Variants in SLC6A11 observed in about 807,000 individuals in gnomAD.
SLC6A11 encodes sodium- and chloride-dependent GABA transporter 3.
Under a neutral mutation model 74.8 loss-of-function variants are expected in SLC6A11, and 25 were observed. That is an observed-to-expected ratio of 0.33 (90% CI 0.24 to 0.47). The LOEUF (loss-of-function observed/expected upper bound fraction) is 0.47, where lower values mean the gene tolerates loss of function less well. Among genes scored for constraint, SLC6A11 ranks in the 20% least tolerant of loss-of-function variants. The probability of loss-of-function intolerance (pLI) is 1.00; values close to 1 mark genes in which losing one functional copy is unlikely to be tolerated. For missense variants in SLC6A11, 574 were observed against 837.0 expected (o/e 0.69, Z 3.88); for synonymous variants, 330 against 330.2 (o/e 1.00, Z 0.01).
chr3:10,827,957 C>T (rs2106574887), intron 4 of SLC6A11, among the ~76,000 whole-genome samples: 1 of 152,270 alleles, frequency 6.6e-6, no homozygotes, highest in South Asian at 2.1e-4. Context: ...TTATGGGGGT[C>T]CTACAGGGCC....
intron 7 of SLC6A11, among the ~76,000 whole-genome samples, chr3:10,913,851 G>A (rs1342559186): frequency 2.0e-5 from 3 of 152,064 alleles, no homozygotes; most frequent in Non-Finnish European, 2.9e-5. Flanking sequence ...CCGCCACCAC[G>A]CCCGGCTAAT....
At chr3:10,887,448 CT>C (rs1312888724) in intron 6 of SLC6A11, among the ~76,000 whole-genome samples, 2 of 151,928 alleles carry the variant, frequency 1.3e-5, no homozygotes, top group African/African-American at 2.4e-5. Flanking sequence ...ACAGTCTTTT[CT>C]TTTTTTTCTT....
Position 10,894,216 on chromosome 3 carries a change from C to T in SLC6A11, c.892-17874C>T, listed in dbSNP as rs555412111. Among the ~76,000 whole-genome samples the T allele has an allele frequency of 1.1e-4, 17 of 152,306 alleles. No homozygotes were observed. The South Asian group carries it at 3.1e-3, about 28-fold the overall frequency. On this transcript the variant is annotated intron_variant, in intron 6 of 13. Coordinates refer to ENST00000254488, the MANE Select transcript of SLC6A11 (RefSeq NM_014229.3). ...ATGTGAACCAGGATGCTCCGTTAGT[C>T]AGATTCCCAGGGAACTGGCGCCGTT...
At chr3:10,882,474 C>T (rs1457588955) in intron 6 of SLC6A11, among the ~76,000 whole-genome samples, 1 of 152,188 alleles carries the variant, frequency 6.6e-6, no homozygotes, top group Non-Finnish European at 1.5e-5. Context: ...CACCGTTCTC[C>T]ACCCACTAGG....
chr3:10,895,840 G>A (rs1695164863), intron 6 of SLC6A11, among the ~76,000 whole-genome samples: 1 of 152,126 alleles, frequency 6.6e-6, no homozygotes. Context: ...TTACTACCTA[G>A]GTGATGGGTT....
At chr3:10,934,873 G>A (rs374289414) in intron 12 of SLC6A11, among the ~76,000 whole-genome samples, 156 bp from the exon 13 acceptor site, 18 of 152,320 alleles carry the variant, frequency 1.2e-4, no homozygotes, top group East Asian at 1.2e-3. Flanking sequence ...CAAGCTCACT[G>A]TGGTCCTGGC....
chr3:10,880,578 C>T (rs1694963348), intron 6 of SLC6A11, among the ~76,000 whole-genome samples: 1 of 152,140 alleles, frequency 6.6e-6, no homozygotes, highest in Non-Finnish European at 1.5e-5. Context: ...TGCGGGGAGT[C>T]AGAGGGCTGA....
Position 10,816,239 on chromosome 3 carries a change from C to A in SLC6A11, c.-27C>A. 1 of 1,288,162 alleles carries A rather than the reference C, an allele frequency of 7.8e-7. No individual in the cohort carries two copies. The allele number at this position is 1,288,162 out of a possible 1,614,324, so 79.8% of individuals were successfully genotyped here. ...CCCGGGGCGGCGGCGCAGAGCCGGG[C>A]CGGCGCACGAGGCAGCCAGCGCGGC... On this transcript the variant is annotated 5_prime_UTR_variant, in exon 1 of 14. Coordinates refer to ENST00000254488, the MANE Select transcript of SLC6A11 (RefSeq NM_014229.3). This position sits in a 1 kb window ranked among gnomAD's most constrained non-coding sequence, Gnocchi z 4.2.
rs148904697 is a variant in SLC6A11 at position 10,858,070 on chromosome 3, G to A, written c.756+13724G>A. Among the ~76,000 whole-genome samples the A allele has an allele frequency of 6.4e-3, 977 of 152,280 alleles. 50 individuals are homozygous for A. In the South Asian group the frequency reaches 0.099, roughly 15 times the overall value. On this transcript the variant is annotated intron_variant, in intron 5 of 13. Transcript: ENST00000254488. ...TTTTAAATAAGAACTAGCCACATAT[G>A]TTATTATAGAATCACCACGAATGCA...
At chr3:10,854,475 C>T (rs532266466) in intron 5 of SLC6A11, among the ~76,000 whole-genome samples, 1 of 152,350 alleles carries the variant, frequency 6.6e-6, no homozygotes, top group South Asian at 2.1e-4. Flanking sequence ...TTATGTGTTG[C>T]CCTCTAATCC....
At chr3:10,837,271 G>A (rs1307426512) in intron 4 of SLC6A11, among the ~76,000 whole-genome samples, 2 of 152,212 alleles carry the variant, frequency 1.3e-5, no homozygotes, top group African/African-American at 4.8e-5. Context: ...GACTGATGGA[G>A]ACTGGTGTGT....
chr3:10,920,005 CAT>C (rs150023905), intron 8 of SLC6A11, among the ~76,000 whole-genome samples: 3,190 of 152,318 alleles, frequency 0.021, 127 homozygotes, highest in African/African-American at 0.073. Flanking sequence ...GCATCTTCCT[CAT>C]ATTCAACCAC....
intron 6 of SLC6A11, among the ~76,000 whole-genome samples, chr3:10,891,635 C>T (rs1695108492): frequency 6.6e-6 from 1 of 152,172 alleles, no homozygotes; most frequent in Admixed American, 6.5e-5. Flanking sequence ...GTAGGTCCAA[C>T]TTCTTCTTTT....
At chr3:10,844,007 C>T (rs1458170595) in intron 4 of SLC6A11, among the ~76,000 whole-genome samples, 1 of 152,194 alleles carries the variant, frequency 6.6e-6, no homozygotes, top group East Asian at 1.9e-4. Context: ...CTATCTTTTC[C>T]CCCAGAGAGT....
rs150106265 is a variant in SLC6A11, at chr3:10,919,421, G to A, written c.1120+968G>A. On this transcript the variant is annotated intron_variant, in intron 8 of 13. Transcript: ENST00000254488. ...AGGGCATCTGGCCTCCCTGGCCTCC[G>A]TCTACTCAAGGCCAGTCCTGCCCCA... Among the ~76,000 whole-genome samples, 131 of 152,248 alleles carry A rather than the reference G, an allele frequency of 8.6e-4. No individual in the cohort carries two copies. In the Middle Eastern group the frequency reaches 0.01, roughly 12 times the overall value.
chr3:10,829,364 T>G (rs1694261813), intron 4 of SLC6A11, among the ~76,000 whole-genome samples: 1 of 152,240 alleles, frequency 6.6e-6, no homozygotes, highest in Non-Finnish European at 1.5e-5. Flanking sequence ...AGAGTCATGG[T>G]TGGGCCCAAG....
At chr3:10,823,536 C>T (rs935648135) in intron 4 of SLC6A11, 144 bp downstream of exon 4, 14 of 633,038 alleles carry the variant, frequency 2.2e-5, no homozygotes, top group East Asian at 5.5e-5. Flanking sequence ...TCGACAGCTT[C>T]GGAAGCAAGA....
rs546204039 is a variant in SLC6A11, at chr3:10,926,549, T to C, written c.1233+433T>C. Among the ~76,000 whole-genome samples the C allele has an allele frequency of 5.9e-5, 9 of 151,980 alleles. No homozygotes were observed. The highest frequency in any genetic ancestry group is 3.3e-4 in the Admixed American group (5 of 15,290). On this transcript the variant is annotated intron_variant, in intron 9 of 13. Transcript: ENST00000254488. The surrounding 1 kb of genome is among the most constrained non-coding windows in gnomAD (Gnocchi z 5.7). ...CCCAATCATTGAGGACACGGACACA[T>C]AGAAAAGCACCTCCTCTTCCTCCAT...
chr3:10,927,712 G>C (rs1695627807), intron 9 of SLC6A11, among the ~76,000 whole-genome samples: 1 of 152,148 alleles, frequency 6.6e-6, no homozygotes, highest in Non-Finnish European at 1.5e-5. Context: ...GCCTGGGCTT[G>C]AGTCCCAGCC....
Sources: allele counts gnomAD v4.1 joint callset (sites outside exome capture counted in the v4.1 genomes callset), GRCh38; gene constraint gnomAD v4.1.1; non-coding constraint Gnocchi (gnomAD v3.1); transcripts MANE v1.5; gene names NCBI Gene and HGNC (gene_info 2026-07-23, HGNC 2026-07-21).